PIWIL2: variants seen among roughly 807,000 people sequenced by gnomAD.
The protein encoded by PIWIL2 is piwi-like protein 2.
A neutral mutation model predicts 116.5 loss-of-function variants in PIWIL2; 81 were observed. The ratio of observed to expected loss-of-function variants is 0.70; its 90% CI spans 0.58 to 0.84. The LOEUF is 0.84. Ranked by LOEUF, PIWIL2 falls within the 40% of genes least tolerant of loss-of-function variation. The probability of loss-of-function intolerance (pLI) is 0.00; values close to 1 mark genes in which losing one functional copy is unlikely to be tolerated. For synonymous variants in PIWIL2, 489 were observed against 429.5 expected (o/e 1.14, Z -1.71); for missense variants, 1,272 against 1,212.3 (o/e 1.05, Z -0.73).
chr8:22,290,278 T>G lies in PIWIL2; in HGVS notation c.1113T>G (p.Asp371Glu). Residue 371 changes from aspartate (D) to glutamate (E), a missense_variant, in exon 10 of 23, where the codon GAT (aspartate) becomes GAG (glutamate). Transcript: ENST00000356766. ...ATGCAGCTAGCATCCGAAGGACAGA[T>G]GGAGGGCTCTTCCTGCTAGCTGATG... ...PGYAASIRRTDGGLFLLADVS... is the reference protein window; with the variant it reads ...PGYAASIRRTEGGLFLLADVS... 1 of 1,612,744 alleles carries G rather than the reference T, an allele frequency of 6.2e-7. No homozygotes were observed. The highest frequency in any genetic ancestry group is 1.7e-5 in the Admixed American group (1 of 60,006).
intron 4 of PIWIL2, 79 bp from the exon 5 acceptor site, chr8:22,282,955 T>C (rs1830544080): frequency 2.7e-6 from 3 of 1,091,276 alleles, no homozygotes; most frequent in Non-Finnish European, 4.2e-6. Context: ...CAGGAAGAGA[T>C]TGTGGAGTTG....
chr8:22,341,169 C>A (rs771066542), intron 20 of PIWIL2, among the ~76,000 whole-genome samples: 5 of 152,012 alleles, frequency 3.3e-5, no homozygotes, highest in African/African-American at 4.8e-5. Flanking sequence ...GGGTTTTATT[C>A]CGGTTATGCA....
In PIWIL2 at chr8:22,346,798, G is replaced by C. The variant is rs537458491; in HGVS notation, c.2404-6161G>C. ...ATAGTGGTGCATGCCTGTAGGCGCAGCTACTCAGGAGGCTGAGGTGGCAGG... is the reference window on the plus strand; with the variant it reads ...ATAGTGGTGCATGCCTGTAGGCGCACCTACTCAGGAGGCTGAGGTGGCAGG... On this transcript the variant is annotated intron_variant, in intron 20 of 22. Coordinates refer to ENST00000356766, the MANE Select transcript of PIWIL2 (RefSeq NM_018068.5). Among the ~76,000 whole-genome samples the C allele has an allele frequency of 4.3e-4, 65 of 152,298 alleles. 1 individual carries two copies. Among genetic ancestry groups the C allele is most frequent in the African/African-American group, 1.6e-3 (65 of 41,570 alleles).
intron 10 of PIWIL2, among the ~76,000 whole-genome samples, chr8:22,291,169 G>T (rs1305030325): frequency 8.9e-5 from 13 of 146,358 alleles, no homozygotes; most frequent in African/African-American, 2.8e-4. Flanking sequence ...TTTTTTTTCT[G>T]AGAGAGAGTC....
chr8:22,349,895 A>G (rs1307228450), intron 20 of PIWIL2, among the ~76,000 whole-genome samples: 1 of 152,222 alleles, frequency 6.6e-6, no homozygotes, highest in Non-Finnish European at 1.5e-5. Flanking sequence ...TTCTCTACTC[A>G]AGATGGAAGC....
rs759986563 is a variant in PIWIL2 at position 22,281,443 on chromosome 8, C to T, written c.353C>T (p.Pro118Leu). ...CGCAAGGACAGGGAGGAACTCTCTC[C>T]CACTTTTTGGGATCCAAAAGTGTTG... ...LVRKDREELS[P>L]TFWDPKVLAA... The change falls in exon 4 of 23, where the codon CCC (proline) becomes CTC (leucine). Residue 118 changes from proline (P) to leucine (L), a missense_variant. Coordinates refer to ENST00000356766, the MANE Select transcript of PIWIL2 (RefSeq NM_018068.5). 2 of 1,605,488 alleles carry T rather than the reference C, an allele frequency of 1.2e-6. No homozygotes were observed. The highest frequency in any genetic ancestry group is 1.1e-5 in the South Asian group (1 of 89,486).
At chr8:22,288,993 G>A (rs1830694346) in intron 8 of PIWIL2, among the ~76,000 whole-genome samples, 1 of 152,158 alleles carries the variant, frequency 6.6e-6, no homozygotes, top group African/African-American at 2.4e-5. Context: ...AAGAGGTTGT[G>A]TGTAAAAATA....
chr8:22,355,346 C>T lies in PIWIL2; in HGVS notation c.2766-3C>T. On this transcript the variant is annotated splice_polypyrimidine_tract_variant and splice_region_variant and intron_variant, in intron 22 of 22. Transcript: ENST00000356766. ...AGAATTATATTTTCTTCTTGGCCTA[C>T]AGGCTGACTTTCAAACTGTGCCACA... 6.2e-7 allele frequency: 1 copy of T among 1,614,048 alleles called. No homozygotes were observed. The highest frequency in any genetic ancestry group is 8.5e-7 in the Non-Finnish European group (1 of 1,179,898).
intron 15 of PIWIL2, 84 bp downstream of exon 15, chr8:22,310,158 CTTTTT>C: frequency 1.4e-6 from 1 of 722,616 alleles, no homozygotes; most frequent in Non-Finnish European, 2.4e-6. Flanking sequence ...CTAGAGTCTT[CTTTTT>C]TGAGGGAAAG....
chr8:22,287,623 A>G lies in PIWIL2; in HGVS notation c.839A>G (p.Tyr280Cys), dbSNP rs778911127. Residue 280 changes from tyrosine (Y) to cysteine (C), a missense_variant, in exon 7 of 23, where the codon TAT becomes TGT. Coordinates refer to ENST00000356766, the MANE Select transcript of PIWIL2 (RefSeq NM_018068.5). ...ACTGCGTTTGATGGATCTATTCTCT[A>G]TCTGCCTGTTAAGCTTCAACAAGTG... Reference protein sequence around the residue: ...NVTAFDGSILYLPVKLQQVLE... With the variant: ...NVTAFDGSILCLPVKLQQVLE... The G allele has an allele frequency of 3.7e-6, 6 of 1,607,728 alleles. No individual in the cohort carries two copies. The highest frequency in any genetic ancestry group is 1.3e-5 in the African/African-American group (1 of 74,832).
intron 10 of PIWIL2, among the ~76,000 whole-genome samples, chr8:22,294,280 G>A (rs1182750338): frequency 6.8e-6 from 1 of 147,274 alleles, no homozygotes; most frequent in Non-Finnish European, 1.5e-5. Flanking sequence ...AGAGGTTGCA[G>A]TGAGCCAAGA....
chr8:22,309,270 T>A (rs1831266949), intron 14 of PIWIL2, among the ~76,000 whole-genome samples: 2 of 151,710 alleles, frequency 1.3e-5, no homozygotes, highest in Non-Finnish European at 2.9e-5. Flanking sequence ...CCCTTGGATA[T>A]TAAGTCCAAT....
intron 19 of PIWIL2, 79 bp downstream of exon 19, chr8:22,316,412 T>C (rs948600896): frequency 3.4e-6 from 3 of 877,108 alleles, no homozygotes; most frequent in African/African-American, 3.3e-5. Flanking sequence ...AGCAAATCTT[T>C]TTAGCATTAT....
rs2132119601 is a variant in PIWIL2 at position 22,355,887 on chromosome 8, CA to C, written c.*383del. ...AGGAGATCAAGACCATCCTGGCCAA[CA>C]TGGTGAAACCCCGTCTCTACTAAAA... On this transcript the variant is annotated 3_prime_UTR_variant, in exon 23 of 23. Coordinates refer to ENST00000356766, the MANE Select transcript of PIWIL2 (RefSeq NM_018068.5). 5.3e-6 allele frequency: 1 copy of C among 189,542 alleles called. No homozygotes were observed. The highest frequency in any genetic ancestry group is 2.3e-5 in the African/African-American group (1 of 43,606). The allele number at this position is 189,542 out of a possible 1,614,324, so 11.7% of individuals were successfully genotyped here.
At chr8:22,308,154 G>T in intron 14 of PIWIL2, 81 bp downstream of exon 14, 17 of 1,060,842 alleles carry the variant, frequency 1.6e-5, no homozygotes, top group East Asian at 2.6e-5. Context: ...TTTGTTGTCA[G>T]TATATTTTGA....
chr8:22,318,417 A>T lies in PIWIL2; in HGVS notation c.2403+142A>T. 5.4e-6 allele frequency: 3 copies of T among 556,286 alleles called. No individual in the cohort carries two copies. The South Asian group carries it at 6.9e-5, about 13-fold the overall frequency. The allele number at this position is 556,286 out of a possible 1,614,324, so 34.5% of individuals were successfully genotyped here. On this transcript the variant is annotated intron_variant, in intron 20 of 22. Transcript: ENST00000356766. ...ACTGCAACCTCTGCCTCCTGGGTTC[A>T]AGCGGTTCTCCTGCCTCAGCCTTCC...
intron 20 of PIWIL2, among the ~76,000 whole-genome samples, chr8:22,333,282 G>A (rs988480857): frequency 6.6e-6 from 1 of 152,116 alleles, no homozygotes; most frequent in African/African-American, 2.4e-5. Context: ...AAAACATGCT[G>A]TGTGAATGAA....
intron 4 of PIWIL2, 73 bp downstream of exon 4, chr8:22,281,588 TAAGA>T: frequency 8.0e-7 from 1 of 1,249,080 alleles, no homozygotes; most frequent in Non-Finnish European, 1.1e-6. Flanking sequence ...AGAGCAACTC[TAAGA>T]AGAGTTGTGT....
At chr8:22,276,626 T>C (rs1375864163) in intron 1 of PIWIL2, among the ~76,000 whole-genome samples, 1 of 152,156 alleles carries the variant, frequency 6.6e-6, no homozygotes, top group Non-Finnish European at 1.5e-5. Flanking sequence ...GACAGCTTTT[T>C]GAAAGTTAAG....
Sources: allele counts gnomAD v4.1 joint callset (sites outside exome capture counted in the v4.1 genomes callset), GRCh38; gene constraint gnomAD v4.1.1; transcripts MANE v1.5; gene names NCBI Gene and HGNC (gene_info 2026-07-23, HGNC 2026-07-21).